Variants in ZNF438 observed in about 807,000 individuals in gnomAD.
ZNF438 encodes the protein zinc finger protein 438.
In ZNF438, 25 loss-of-function variants were observed where a neutral mutation model predicts 38.0. The observed-to-expected ratio is 0.66, with a 90% CI of 0.48 to 0.92. The LOEUF (loss-of-function observed/expected upper bound fraction) is 0.92, where lower values mean the gene tolerates loss of function less well. Ranked by LOEUF, ZNF438 falls within the 40% of genes least tolerant of loss-of-function variation. The probability of loss-of-function intolerance (pLI) is 0.00; values close to 1 mark genes in which losing one functional copy is unlikely to be tolerated. For missense variants in ZNF438, 1,007 were observed against 999.6 expected, an observed-to-expected ratio of 1.01 and a Z score of -0.10; for synonymous variants, 372 against 364.1, an observed-to-expected ratio of 1.02 and a Z score of -0.25.
chr10:30,954,071 A>G (rs908585694), intron 1 of ZNF438, among the ~76,000 whole-genome samples: 2 of 152,098 alleles, frequency 1.3e-5, no homozygotes, highest in Non-Finnish European at 2.9e-5. Flanking sequence ...TGAACCCGGG[A>G]TGTGGAGGTT....
At chr10:30,941,685 T>C (rs2046833750) in intron 1 of ZNF438, 34 bp from the exon 3 acceptor site, 1 of 152,244 alleles carries the variant, frequency 6.6e-6, no homozygotes, top group Non-Finnish European at 1.5e-5. Flanking sequence ...AACAAAATTA[T>C]AAAGAATTTC....
chr10:30,996,392 T>C (rs1048411914), intron 1 of ZNF438, among the ~76,000 whole-genome samples: 7 of 151,968 alleles, frequency 4.6e-5, no homozygotes, highest in Admixed American at 2.6e-4. Flanking sequence ...ATCATACAAA[T>C]AGGTTGAAAG....
chr10:30,931,299 G>A (rs1360115408), intron 2 of ZNF438, among the ~76,000 whole-genome samples: 3 of 152,184 alleles, frequency 2.0e-5, no homozygotes, highest in Non-Finnish European at 4.4e-5. Flanking sequence ...GAGATCATTT[G>A]AGTTTTTGGC....
At chr10:31,022,271 C>CT (rs1043637959) in intron 1 of ZNF438, among the ~76,000 whole-genome samples, 3 of 129,636 alleles carry the variant, frequency 2.3e-5, no homozygotes, top group Non-Finnish European at 1.7e-5. Flanking sequence ...TTTTTTTTTT[C>CT]TTTTTTTTGA....
intron 1 of ZNF438, among the ~76,000 whole-genome samples, chr10:31,028,990 T>C (rs1364095283): frequency 3.9e-5 from 6 of 152,192 alleles, no homozygotes; most frequent in African/African-American, 9.7e-5. Flanking sequence ...ATGCTTTCTC[T>C]TCAGAAAAAT....
intron 3 of ZNF438, among the ~76,000 whole-genome samples, chr10:30,887,235 T>G (rs1166193690): frequency 6.6e-6 from 1 of 152,192 alleles, no homozygotes; most frequent in Non-Finnish European, 1.5e-5. Context: ...TATCCTACCT[T>G]GTCTTTCCTG....
intron 1 of ZNF438, among the ~76,000 whole-genome samples, chr10:30,986,819 C>G (rs1352434136): frequency 6.6e-6 from 1 of 152,136 alleles, no homozygotes; most frequent in African/African-American, 2.4e-5. Flanking sequence ...GATTTTAGAT[C>G]AGAGATGCTC....
intron 1 of ZNF438, among the ~76,000 whole-genome samples, chr10:30,953,229 AT>A (rs1381941307): frequency 1.3e-5 from 2 of 150,022 alleles, no homozygotes; most frequent in East Asian, 3.9e-4. Context: ...AGGAAGGGGA[AT>A]ATCACACTCT....
intron 4 of ZNF438, among the ~76,000 whole-genome samples, chr10:30,874,099 TGGGG>T (rs375427977): frequency 1.0e-4 from 14 of 138,382 alleles, no homozygotes; most frequent in African/African-American, 2.9e-4. Flanking sequence ...TGTGGGTGTG[TGGGG>T]GTGTGTGTGT....
Position 31,013,648 on chromosome 10 carries a change from C to T in ZNF438, c.-192+18185G>A, listed in dbSNP as rs551281966. On this transcript the variant is annotated intron_variant, in intron 1 of 5. Coordinates refer to ENST00000413025, the Ensembl canonical transcript of ZNF438. ...AGGAAGATGCAGGAAAGAAACTTCC[C>T]GCTCAAAGCTAATCTGCAACTTAAG... 5.3e-5 allele frequency among the ~76,000 whole-genome samples: 8 copies of T among 152,224 alleles called. No individual in the cohort carries two copies. The East Asian group carries it at 1.2e-3, about 22-fold the overall frequency.
chr10:30,982,292 G>A (rs531213369), intron 1 of ZNF438, among the ~76,000 whole-genome samples: 4 of 151,720 alleles, frequency 2.6e-5, no homozygotes, highest in South Asian at 2.1e-4. Flanking sequence ...TAGTAGAGAC[G>A]GGGTTTCTCC....
At chr10:31,006,779 G>GC (rs1179745653) in intron 1 of ZNF438, among the ~76,000 whole-genome samples, 1 of 33,462 alleles carries the variant, frequency 3.0e-5, no homozygotes, top group Non-Finnish European at 1.2e-4. Context: ...GGCGGGGGGC[G>GC]GGGGGGGGAA....
chr10:30,938,131 C>G (rs937808035), intron 2 of ZNF438, among the ~76,000 whole-genome samples: 2 of 152,126 alleles, frequency 1.3e-5, no homozygotes, highest in Admixed American at 6.6e-5. Context: ...AGGGTTGAAC[C>G]AGCGGTCTAA....
chr10:30,993,411 G>T (rs1007406121), intron 1 of ZNF438, among the ~76,000 whole-genome samples: 1 of 152,158 alleles, frequency 6.6e-6, no homozygotes, highest in Non-Finnish European at 1.5e-5. Context: ...CCCCAGTCAT[G>T]ACCCAAGTAG....
At chr10:31,011,857 G>A (rs537075498) in intron 1 of ZNF438, among the ~76,000 whole-genome samples, 25 of 152,212 alleles carry the variant, frequency 1.6e-4, no homozygotes, top group African/African-American at 5.5e-4. Context: ...GGCTTTTCAC[G>A]ACCCTTGAAT....
intron 4 of ZNF438, among the ~76,000 whole-genome samples, chr10:30,860,179 C>G (rs1274346498): frequency 6.6e-6 from 1 of 152,208 alleles, no homozygotes; most frequent in Non-Finnish European, 1.5e-5. Flanking sequence ...GACCCGCATT[C>G]CAGAGAGGGT....
chr10:31,029,453 T>TA (rs1331672833), intron 1 of ZNF438, among the ~76,000 whole-genome samples: 1 of 152,132 alleles, frequency 6.6e-6, no homozygotes, highest in Non-Finnish European at 1.5e-5. Context: ...AGCCTAAACC[T>TA]AAAAAATCAT....
At chr10:30,908,781 A>G (rs1386365102) in intron 3 of ZNF438, among the ~76,000 whole-genome samples, 152 bp downstream of exon 4, 1 of 152,230 alleles carries the variant, frequency 6.6e-6, no homozygotes, top group Non-Finnish European at 1.5e-5. Context: ...CTTGGTAAAG[A>G]AGAAATATAT....
At position 31,001,970 on chromosome 10, in the gene ZNF438, G is replaced by C. The variant is rs1234359211; in HGVS notation, c.-192+29863C>G. 2.0e-5 allele frequency among the ~76,000 whole-genome samples: 3 copies of C among 152,280 alleles called. No homozygotes were observed. The East Asian group carries it at 5.8e-4, about 29-fold the overall frequency. On this transcript the variant is annotated intron_variant, in intron 1 of 5. Transcript: ENST00000413025. ...GGCTGAGTAAGAAGGGATGCCCCCAGGATCTGAATGCTGCTCTCAAGAGAT... is the reference window on the plus strand; with the variant it reads ...GGCTGAGTAAGAAGGGATGCCCCCACGATCTGAATGCTGCTCTCAAGAGAT...
Sources: gnomAD v4.1 joint callset for allele counts (sites outside exome capture counted in the v4.1 genomes callset) on GRCh38, gnomAD v4.1.1 for gene constraint, MANE v1.5 for transcripts, NCBI Gene and HGNC (gene_info 2026-07-23, HGNC 2026-07-21) for gene names.